The following IKZF5 variants were observed in gnomAD, a reference collection of about 807,000 sequenced individuals.
IKZF5 encodes zinc finger protein Pegasus.
IKZF5 carries 4 observed loss-of-function variants against 30.7 expected under a neutral mutation model. That is an observed-to-expected ratio of 0.13 (90% CI 0.06 to 0.30). The LOEUF is 0.30. Ranked by LOEUF, IKZF5 falls within the 10% of genes least tolerant of loss-of-function variation. IKZF5 has a pLI of 1.00. For synonymous variants in IKZF5, 148 were observed against 179.6 expected, an observed-to-expected ratio of 0.82 and a Z score of 1.41; for missense variants, 348 against 525.5, an observed-to-expected ratio of 0.66 and a Z score of 3.30.
intron 2 of IKZF5, among the ~76,000 whole-genome samples, chr10:122,999,690 C>T (rs1849514281): frequency 6.6e-6 from 1 of 152,226 alleles, no homozygotes; most frequent in Non-Finnish European, 1.5e-5. Context: ...ATCCTATCCA[C>T]TCCAAGACTA....
At position 122,993,570 on chromosome 10, in the gene IKZF5, A is replaced by G. The variant is rs1008455731; in HGVS notation, c.*210T>C. The G allele has an allele frequency of 1.6e-5, 6 of 378,296 alleles. No homozygotes were observed. Among genetic ancestry groups the G allele is most frequent in the Non-Finnish European group, 2.8e-5 (6 of 213,088 alleles). The allele number at this position is 378,296 out of a possible 1,614,324, so 23.4% of individuals were successfully genotyped here. On this transcript the variant is annotated 3_prime_UTR_variant, in exon 5 of 5. Transcript: ENST00000368886. ...AAAGGAAAGGAAAAAAGAGACACCA[A>G]TGTGTCTAACTGTTCTAATATATAA... is the stretch of plus-strand genomic sequence containing the variant.
chr10:122,998,850 T>C (rs1849485269), intron 2 of IKZF5, among the ~76,000 whole-genome samples, 179 bp from the exon 3 acceptor site: 1 of 151,998 alleles, frequency 6.6e-6, no homozygotes, highest in African/African-American at 2.4e-5. Context: ...ATATATTTAA[T>C]AATTAAATAT....
rs1849227667 is a variant in IKZF5 at position 122,993,236 on chromosome 10, A to C, written c.*544T>G. 2 of 152,648 alleles carry C rather than the reference A, an allele frequency of 1.3e-5. No homozygotes were observed. The highest frequency in any genetic ancestry group is 4.8e-5 in the African/African-American group (2 of 41,464). 9.5% of individuals were successfully genotyped at this position (152,648 alleles called of 1,614,324 possible). A position where few individuals can be genotyped will look rare whatever the true frequency, so the allele number is the denominator to read the frequency against. ...TTGTGGAAAAAAGAAAATTTTTACT[A>C]AACTGAAATAGCTTTACTATTATCA... is the stretch of plus-strand genomic sequence containing the variant. On this transcript the variant is annotated 3_prime_UTR_variant, in exon 5 of 5. Transcript: ENST00000368886.
chr10:122,998,592 C>T lies in IKZF5; in HGVS notation c.34G>A (p.Val12Met), dbSNP rs1029063246. The change falls in exon 3 of 5, where the codon GTG becomes ATG. Residue 12 changes from valine to methionine, a missense_variant. By Grantham distance (21) the Val-to-Met change is conservative. Transcript: ENST00000368886. ...GEKKPEPLDFVKDFQEYLTQQ... is the reference protein window; with the variant it reads ...GEKKPEPLDFMKDFQEYLTQQ... The stretch of plus-strand genomic sequence containing the variant: ...GTCAGGTATTCCTGAAAATCTTTCA[C>T]GAAGTCCAAAGGCTCTGGTTTTTTT... The T allele has an allele frequency of 1.2e-6, 2 of 1,613,490 alleles. No homozygotes were observed. The highest frequency in any genetic ancestry group is 2.2e-5 in the East Asian group (1 of 44,872).
At position 122,994,308 on chromosome 10, in the gene IKZF5, T is replaced by C. The variant is rs776222679; in HGVS notation, c.732A>G (p.Gln244=). 4.3e-6 allele frequency: 7 copies of C among 1,614,006 alleles called. No homozygotes were observed. Among genetic ancestry groups the C allele is most frequent in the Middle Eastern group, 1.6e-4 (1 of 6,084 alleles). Residue 244 remains glutamine, a synonymous_variant, in exon 5 of 5, where the codon CAA becomes CAG. Transcript: ENST00000368886. This position sits in a 1 kb window ranked among gnomAD's most constrained non-coding sequence, Gnocchi z 5.6. ...TCAAAGGGTTATCAACCATGAGTTC[T>C]TGGGGGTCCCTTGGAAGGCCACCAG... is the stretch of plus-strand genomic sequence containing the variant. The part of the protein sequence containing the change: ...TPTGGLPRDP[Q]ELMVDNPLNQ...
rs1284315533 is a variant in IKZF5, at chr10:122,994,857, ATGAG to A, written c.317-138_317-135del. 30 of 685,262 alleles carry A rather than the reference ATGAG, an allele frequency of 4.4e-5. No individual in the cohort carries two copies. The South Asian group carries it at 5.8e-4, about 13-fold the overall frequency. The allele number at this position is 685,262 out of a possible 1,614,324, so 42.4% of individuals were successfully genotyped here. ...TCAGAAAGTCATATTTGCATAGCAT[ATGAG>A]ATTGTTAAAATTTGTAAATAAACCC... On this transcript the variant is annotated intron_variant, in intron 4 of 4. Coordinates refer to ENST00000368886, the MANE Select transcript of IKZF5 (RefSeq NM_001372123.1). The surrounding 1 kb of genome is among the most constrained non-coding windows in gnomAD (Gnocchi z 5.6).
chr10:123,004,191 C>T (rs550192191), intron 2 of IKZF5, among the ~76,000 whole-genome samples: 7 of 151,922 alleles, frequency 4.6e-5, no homozygotes, highest in African/African-American at 1.7e-4. Flanking sequence ...CTGTATAGCC[C>T]TACAGATTGT....
intron 2 of IKZF5, among the ~76,000 whole-genome samples, chr10:123,002,032 C>T (rs923712888): frequency 6.6e-6 from 1 of 152,182 alleles, no homozygotes; most frequent in Non-Finnish European, 1.5e-5. Context: ...TTCCCTGTTT[C>T]CTGGCTTCAG....
chr10:122,995,866 A>C, intron 4 of IKZF5, 128 bp downstream of exon 4: 1 of 848,996 alleles, frequency 1.2e-6, no homozygotes, highest in Non-Finnish European at 1.8e-6. Context: ...TAACTTTCCC[A>C]TTTATTCGAA....
chr10:123,005,072 T>C (rs1341999872), intron 2 of IKZF5, among the ~76,000 whole-genome samples: 2 of 152,132 alleles, frequency 1.3e-5, no homozygotes, highest in African/African-American at 2.4e-5. Context: ...GAGGACTGCC[T>C]GAGCTCAGGA....
Position 122,992,524 on chromosome 10 carries a change from C to G in IKZF5, c.*1256G>C, listed in dbSNP as rs190692643. Reference sequence around the variant, plus strand: ...TATTACACAATATAAAAACAATAGCCTCCTATTCAAAATGAATTACTCTAT... The same window carrying G: ...TATTACACAATATAAAAACAATAGCGTCCTATTCAAAATGAATTACTCTAT... On this transcript the variant is annotated 3_prime_UTR_variant, in exon 5 of 5. Coordinates refer to ENST00000368886, the MANE Select transcript of IKZF5 (RefSeq NM_001372123.1). The G allele has an allele frequency of 6.6e-6, 1 of 152,204 alleles. No individual in the cohort carries two copies. The highest frequency in any genetic ancestry group is 6.5e-5 in the Admixed American group (1 of 15,282). The allele number at this position is 152,204 out of a possible 1,614,324, so 9.4% of individuals were successfully genotyped here.
rs770588764 is a variant in IKZF5 at position 122,994,302 on chromosome 10, G to A, written c.738C>T (p.Leu246=). Residue 246 remains leucine, a synonymous_variant, in exon 5 of 5, where the codon CTC becomes CTT. Transcript: ENST00000368886. This position sits in a 1 kb window ranked among gnomAD's most constrained non-coding sequence, Gnocchi z 5.6. ...TGGLPRDPQE[L]MVDNPLNQLS... is the part of the protein sequence containing the mutation. ...GCTGATTCAAAGGGTTATCAACCATGAGTTCTTGGGGGTCCCTTGGAAGGC... is the reference window on the plus strand; with the variant it reads ...GCTGATTCAAAGGGTTATCAACCATAAGTTCTTGGGGGTCCCTTGGAAGGC... 1.2e-6 allele frequency: 2 copies of A among 1,614,122 alleles called. No individual in the cohort carries two copies. Among genetic ancestry groups the A allele is most frequent in the Non-Finnish European group, 1.7e-6 (2 of 1,180,012 alleles).
At chr10:122,996,269 GAC>G in intron 3 of IKZF5, 93 bp from the exon 4 acceptor site, 1 of 1,074,440 alleles carries the variant, frequency 9.3e-7, no homozygotes, top group South Asian at 1.5e-5. Context: ...CTTATAAATT[GAC>G]AGTTCACTTC....
At chr10:123,008,322 G>A (rs1169697899) in intron 1 of IKZF5, among the ~76,000 whole-genome samples, 1 of 152,106 alleles carries the variant, frequency 6.6e-6, no homozygotes, top group African/African-American at 2.4e-5. Flanking sequence ...ACCCGCGCCC[G>A]GCTGACTCCC....
In IKZF5 at chr10:122,991,574, C is replaced by T. The variant is rs1370709556; in HGVS notation, c.*2206G>A. ...ATCTTTTCAAATACAGAATAACTCA[C>T]AGGAAATTTAAATAAAATCTAAATA... On this transcript the variant is annotated 3_prime_UTR_variant, in exon 5 of 5. Transcript: ENST00000368886. The T allele has an allele frequency of 1.3e-5, 2 of 152,060 alleles. No individual in the cohort carries two copies. The highest frequency in any genetic ancestry group is 2.1e-4 in the South Asian group (1 of 4,824). 9.4% of individuals were successfully genotyped at this position (152,060 alleles called of 1,614,324 possible). A position where few individuals can be genotyped will look rare whatever the true frequency, so the allele number is the denominator to read the frequency against.
In IKZF5 at chr10:122,994,858, T is replaced by A; in HGVS notation, c.317-135A>T. ...CAGAAAGTCATATTTGCATAGCATATGAGATTGTTAAAATTTGTAAATAAA... is the reference window on the plus strand; with the variant it reads ...CAGAAAGTCATATTTGCATAGCATAAGAGATTGTTAAAATTTGTAAATAAA... On this transcript the variant is annotated intron_variant, in intron 4 of 4. Coordinates refer to ENST00000368886, the MANE Select transcript of IKZF5 (RefSeq NM_001372123.1). This position sits in a 1 kb window ranked among gnomAD's most constrained non-coding sequence, Gnocchi z 5.6. 2.9e-6 allele frequency: 2 copies of A among 683,664 alleles called. No homozygotes were observed. Among genetic ancestry groups the A allele is most frequent in the Non-Finnish European group, 4.8e-6 (2 of 415,540 alleles). The allele number at this position is 683,664 out of a possible 1,614,324, so 42.3% of individuals were successfully genotyped here.
chr10:123,006,251 AATT>A (rs1849776548), intron 2 of IKZF5, among the ~76,000 whole-genome samples: 1 of 152,204 alleles, frequency 6.6e-6, no homozygotes, highest in African/African-American at 2.4e-5. Context: ...TCAAGTAGGT[AATT>A]TAGGCTAATT....
intron 2 of IKZF5, among the ~76,000 whole-genome samples, chr10:123,001,645 G>A (rs934161181): frequency 3.3e-5 from 5 of 152,036 alleles, no homozygotes; most frequent in African/African-American, 7.2e-5. Context: ...TTATATGCAC[G>A]TATGTGGCTC....
intron 2 of IKZF5, among the ~76,000 whole-genome samples, chr10:123,000,794 C>G (rs1849553576): frequency 6.6e-6 from 1 of 152,126 alleles, no homozygotes; most frequent in South Asian, 2.1e-4. Context: ...AATTTACATT[C>G]CTTGGTGACT....
Sources: allele counts gnomAD v4.1 joint callset (sites outside exome capture counted in the v4.1 genomes callset), GRCh38; gene constraint gnomAD v4.1.1; non-coding constraint Gnocchi (gnomAD v3.1); transcripts MANE v1.5; gene names NCBI Gene and HGNC (gene_info 2026-07-23, HGNC 2026-07-21).